The following VPS13B variants were observed in gnomAD, a reference collection of about 807,000 sequenced individuals.
The protein encoded by VPS13B is intermembrane lipid transfer protein VPS13B.
In VPS13B, 285 loss-of-function variants were observed where a neutral mutation model predicts 426.4. That is an observed-to-expected ratio of 0.67 (90% CI 0.61 to 0.74). VPS13B has a LOEUF of 0.74. Among genes scored for constraint, VPS13B ranks in the 30% least tolerant of loss-of-function variants. The pLI, the probability that VPS13B is intolerant of heterozygous loss-of-function variation, is 0.00. For synonymous variants in VPS13B, 1,676 were observed against 1,676.4 expected (o/e 1.00, Z 0.01); for missense variants, 4,537 against 4,782.6 (o/e 0.95, Z 1.51).
chr8:99,280,812 C>A (rs1819134480), intron 19 of VPS13B, among the ~76,000 whole-genome samples: 1 of 152,170 alleles, frequency 6.6e-6, no homozygotes, highest in African/African-American at 2.4e-5. Context: ...AATATATCAG[C>A]CTGAAATATA....
At chr8:99,388,302 C>G (rs953532699) in intron 20 of VPS13B, among the ~76,000 whole-genome samples, 1 of 151,936 alleles carries the variant, frequency 6.6e-6, no homozygotes, top group East Asian at 1.9e-4. Context: ...TTAGTTTTAT[C>G]TATAATATTT....
At chr8:99,147,143 G>A (rs986039773) in intron 13 of VPS13B, among the ~76,000 whole-genome samples, 2 of 151,830 alleles carry the variant, frequency 1.3e-5, no homozygotes, top group Non-Finnish European at 2.9e-5. Flanking sequence ...ATGTAGTCTC[G>A]CTTTGTTGCC....
chr8:99,213,349 A>G (rs1309010617), intron 17 of VPS13B, among the ~76,000 whole-genome samples: 2 of 152,172 alleles, frequency 1.3e-5, no homozygotes, highest in Non-Finnish European at 2.9e-5. Context: ...TAATAATCAA[A>G]TATAACATTT....
At chr8:99,218,512 G>T (rs1815509608) in intron 17 of VPS13B, among the ~76,000 whole-genome samples, 1 of 152,152 alleles carries the variant, frequency 6.6e-6, no homozygotes, top group South Asian at 2.1e-4. Context: ...ATGCAGTTTT[G>T]GTGTTTGATA....
rs547807747 is a variant in VPS13B, at chr8:99,812,581, C to T, written c.8097+3051C>T. Among the ~76,000 whole-genome samples, 14 of 152,120 alleles carry T rather than the reference C, an allele frequency of 9.2e-5. No individual in the cohort carries two copies. The South Asian group carries it at 2.9e-3, about 32-fold the overall frequency. On this transcript the variant is annotated intron_variant, in intron 44 of 61. Transcript: ENST00000357162. Reference sequence around the variant, plus strand: ...TATCTGTGCTCTGCATTTCTTATACCCCTCTCATTTCCCTCAATTGAATGA... The same window carrying T: ...TATCTGTGCTCTGCATTTCTTATACTCCTCTCATTTCCCTCAATTGAATGA...
chr8:99,838,064 C>G (rs551262097), intron 54 of VPS13B, among the ~76,000 whole-genome samples: 12 of 152,200 alleles, frequency 7.9e-5, no homozygotes, highest in African/African-American at 9.6e-5. Context: ...TATACTCTCA[C>G]AGAGTATTCT....
chr8:99,720,574 A>C (rs1044772476), intron 38 of VPS13B, 22 bp downstream of exon 38: 1 of 1,603,906 alleles, frequency 6.2e-7, no homozygotes, highest in Non-Finnish European at 8.5e-7. Context: ...CAGACTCAGT[A>C]TGAGAGTGTC....
At chr8:99,670,804 G>A (rs1008445391) in intron 35 of VPS13B, among the ~76,000 whole-genome samples, 3 of 152,020 alleles carry the variant, frequency 2.0e-5, no homozygotes, top group South Asian at 2.1e-4. Context: ...TGTCTCAAAC[G>A]GCAGGATTTC....
chr8:99,115,925 G>A (rs565768602), intron 7 of VPS13B, 51 bp downstream of exon 7: 31 of 1,574,932 alleles, frequency 2.0e-5, no homozygotes, highest in Admixed American at 1.2e-4. Flanking sequence ...CTATTCTTAC[G>A]TTTTACCATT....
intron 51 of VPS13B, among the ~76,000 whole-genome samples, chr8:99,830,068 C>T (rs1386037543): frequency 6.6e-6 from 1 of 152,214 alleles, no homozygotes; most frequent in African/African-American, 2.4e-5. Context: ...CATCAGGAGG[C>T]TCGGGGGTCA....
In VPS13B at chr8:99,142,962, G is replaced by T; in HGVS notation, c.1652-12G>T. On this transcript the variant is annotated splice_polypyrimidine_tract_variant and intron_variant, in intron 12 of 61. Transcript: ENST00000357162. Reference sequence around the variant, plus strand: ...AATTGATGCTTAAAATATAAAATTTGACTTCTTTTAGGTTCCACAAATCAA... The same window carrying T: ...AATTGATGCTTAAAATATAAAATTTTACTTCTTTTAGGTTCCACAAATCAA... 3.1e-6 allele frequency: 5 copies of T among 1,608,358 alleles called. No individual in the cohort carries two copies. In the South Asian group the frequency reaches 5.6e-5, roughly 18 times the overall value.
chr8:99,349,971 T>C (rs748342570), intron 19 of VPS13B, among the ~76,000 whole-genome samples: 3 of 152,132 alleles, frequency 2.0e-5, no homozygotes, highest in Non-Finnish European at 4.4e-5. Context: ...AAATCACACA[T>C]ATAAAATTGC....
At chr8:99,332,494 T>C (rs1252197747) in intron 19 of VPS13B, among the ~76,000 whole-genome samples, 1 of 151,648 alleles carries the variant, frequency 6.6e-6, no homozygotes, top group African/African-American at 2.4e-5. Flanking sequence ...TTATATATTC[T>C]GAAGAATTAA....
At chr8:99,511,866 A>G (rs533771589) in intron 29 of VPS13B, among the ~76,000 whole-genome samples, 2 of 152,310 alleles carry the variant, frequency 1.3e-5, no homozygotes, top group South Asian at 2.1e-4. Context: ...GGTCAAGCAC[A>G]GTGGCTCACA....
chr8:99,014,061 C>T, intron 2 of VPS13B, 126 bp downstream of exon 2: 2 of 1,115,270 alleles, frequency 1.8e-6, no homozygotes, highest in Admixed American at 2.1e-5. Flanking sequence ...TTTTGAGCTA[C>T]CCTGAAACAA....
At chr8:99,148,322 C>T (rs1465707113) in intron 14 of VPS13B, among the ~76,000 whole-genome samples, 2 of 150,246 alleles carry the variant, frequency 1.3e-5, no homozygotes, top group Non-Finnish European at 3.0e-5. Context: ...TATGATCACG[C>T]CACTACACTT....
intron 19 of VPS13B, among the ~76,000 whole-genome samples, chr8:99,324,452 T>G (rs540880086): frequency 6.6e-6 from 1 of 152,308 alleles, no homozygotes; most frequent in South Asian, 2.1e-4. Flanking sequence ...TCCCATTTAA[T>G]TTTATTTTAA....
intron 3 of VPS13B, among the ~76,000 whole-genome samples, chr8:99,077,989 T>A (rs899965560): frequency 6.6e-6 from 1 of 152,154 alleles, no homozygotes; most frequent in African/African-American, 2.4e-5. Flanking sequence ...TTGTATTTTT[T>A]ATTTTATTCA....
chr8:99,030,064 A>G (rs1431297698), intron 2 of VPS13B, among the ~76,000 whole-genome samples: 2 of 150,302 alleles, frequency 1.3e-5, no homozygotes, highest in Non-Finnish European at 3.0e-5. Context: ...AGATGTTTTC[A>G]GCAATTATTT....
Sources: gnomAD v4.1 joint callset for allele counts (sites outside exome capture counted in the v4.1 genomes callset) on GRCh38, gnomAD v4.1.1 for gene constraint, MANE v1.5 for transcripts, NCBI Gene and HGNC (gene_info 2026-07-23, HGNC 2026-07-21) for gene names.